The following PID1 variants were observed in gnomAD, a reference collection of about 807,000 sequenced individuals.
PID1 encodes the protein phosphotyrosine interaction domain containing 1.
A neutral mutation model predicts 19.1 loss-of-function variants in PID1; 10 were observed. The ratio of observed to expected loss-of-function variants is 0.52; its 90% confidence interval spans 0.32 to 0.89. The LOEUF (loss-of-function observed/expected upper bound fraction) is 0.89. PID1 is among the 40% of genes least tolerant of loss of function. The pLI, the probability that PID1 is intolerant of heterozygous loss-of-function variation, is 0.03. For missense variants in PID1, 248 were observed against 285.3 expected, an observed-to-expected ratio of 0.87 and a Z score of 0.94; for synonymous variants, 130 against 116.0, an observed-to-expected ratio of 1.12 and a Z score of -0.78.
At chr2:229,192,906 A>T (rs1691292959) in intron 1 of PID1, among the ~76,000 whole-genome samples, 2 of 152,202 alleles carry the variant, frequency 1.3e-5, no homozygotes, top group South Asian at 4.1e-4. Flanking sequence ...TAGGAACAAT[A>T]CCGGAACATA....
At chr2:229,202,096 A>T (rs1386399435) in intron 1 of PID1, among the ~76,000 whole-genome samples, 1 of 152,130 alleles carries the variant, frequency 6.6e-6, no homozygotes, top group African/African-American at 2.4e-5. Context: ...CTTCACTCAC[A>T]GAGAAAACTC....
At chr2:229,202,012 C>T (rs1433515425) in intron 1 of PID1, among the ~76,000 whole-genome samples, 3 of 151,958 alleles carry the variant, frequency 2.0e-5, no homozygotes, top group Non-Finnish European at 4.4e-5. Context: ...CCTCCTGCCA[C>T]CTATTATGTG....
At chr2:229,233,827 G>A (rs1692267762) in intron 1 of PID1, among the ~76,000 whole-genome samples, 1 of 152,104 alleles carries the variant, frequency 6.6e-6, no homozygotes. Context: ...ATACAACGAG[G>A]AAACCTCTAC....
chr2:229,185,786 G>T (rs2106225820), intron 1 of PID1, among the ~76,000 whole-genome samples: 1 of 152,190 alleles, frequency 6.6e-6, no homozygotes, highest in South Asian at 2.1e-4. Context: ...TTTGGGTGGG[G>T]ACATAGCCAA....
intron 1 of PID1, among the ~76,000 whole-genome samples, chr2:229,241,741 T>C (rs1427672561): frequency 1.4e-4 from 22 of 152,148 alleles, no homozygotes. Flanking sequence ...GCAAAGCACC[T>C]AACCACTTCT....
chr2:229,049,434 T>A (rs976206045), intron 2 of PID1, among the ~76,000 whole-genome samples: 3 of 152,148 alleles, frequency 2.0e-5, no homozygotes, highest in Non-Finnish European at 4.4e-5. Context: ...TCTAGAATAA[T>A]GATAAATAAA....
At chr2:229,110,097 C>T (rs1022231268) in intron 2 of PID1, among the ~76,000 whole-genome samples, 10 of 152,214 alleles carry the variant, frequency 6.6e-5, no homozygotes, top group African/African-American at 2.4e-4. Context: ...CCTAAAGACG[C>T]TGTAACCTAG....
chr2:229,047,515 GTTATA>G (rs1559209070), intron 2 of PID1, among the ~76,000 whole-genome samples: 1 of 152,146 alleles, frequency 6.6e-6, no homozygotes, highest in Non-Finnish European at 1.5e-5. Flanking sequence ...TCACCAGGTA[GTTATA>G]TTATAATGAA....
At chr2:229,040,863 A>C (rs1693756996) in intron 2 of PID1, among the ~76,000 whole-genome samples, 1 of 152,230 alleles carries the variant, frequency 6.6e-6, no homozygotes, top group Non-Finnish European at 1.5e-5. Flanking sequence ...AAATAAGTTA[A>C]AAAGTAGCTA....
chr2:229,208,252 A>G (rs1485485721), intron 1 of PID1, among the ~76,000 whole-genome samples: 1 of 152,192 alleles, frequency 6.6e-6, no homozygotes, highest in African/African-American at 2.4e-5. Context: ...AACTCAGTGC[A>G]TAGCTAGTGC....
intron 2 of PID1, among the ~76,000 whole-genome samples, chr2:229,154,563 G>A (rs1385204450): frequency 6.6e-6 from 1 of 152,162 alleles, no homozygotes; most frequent in African/African-American, 2.4e-5. Flanking sequence ...CACCCAATGA[G>A]TATGTGTGGA....
chr2:229,150,966 A>G (rs894802006), intron 2 of PID1, among the ~76,000 whole-genome samples: 2 of 152,010 alleles, frequency 1.3e-5, no homozygotes, highest in Non-Finnish European at 2.9e-5. Flanking sequence ...GTAAGAAAAG[A>G]TAACATCCCA....
intron 2 of PID1, among the ~76,000 whole-genome samples, chr2:229,032,417 T>A (rs1178328139): frequency 1.3e-5 from 2 of 152,236 alleles, no homozygotes; most frequent in Non-Finnish European, 2.9e-5. Flanking sequence ...AATCCTGTTA[T>A]CCTGTCTATG....
chr2:229,061,208 T>C (rs1344813236), intron 2 of PID1, among the ~76,000 whole-genome samples: 1 of 152,106 alleles, frequency 6.6e-6, no homozygotes, highest in Non-Finnish European at 1.5e-5. Context: ...TTTGCCTTTA[T>C]GTTTTCTTCT....
At chr2:229,124,284 C>G (rs1055139513) in intron 2 of PID1, among the ~76,000 whole-genome samples, 1 of 152,118 alleles carries the variant, frequency 6.6e-6, no homozygotes, top group Non-Finnish European at 1.5e-5. Context: ...CCTCATCATA[C>G]TTTATCCATC....
intron 2 of PID1, among the ~76,000 whole-genome samples, chr2:229,032,736 G>T (rs1693581913): frequency 6.6e-6 from 1 of 152,214 alleles, no homozygotes; most frequent in Non-Finnish European, 1.5e-5. Context: ...ATCATTCTGA[G>T]AGAAATAAAA....
intron 2 of PID1, among the ~76,000 whole-genome samples, chr2:229,046,137 C>A (rs1693872691): frequency 6.6e-6 from 1 of 152,038 alleles, no homozygotes. Context: ...AACCATGCTG[C>A]AATAAGGCAA....
chr2:229,056,793 C>T (rs1211766406), intron 2 of PID1, among the ~76,000 whole-genome samples: 1 of 152,024 alleles, frequency 6.6e-6, no homozygotes, highest in Non-Finnish European at 1.5e-5. Flanking sequence ...AATTCTACCT[C>T]CGTGTCCCTG....
chr2:229,260,383 A>C (rs1690425810), intron 1 of PID1, among the ~76,000 whole-genome samples: 1 of 151,988 alleles, frequency 6.6e-6, no homozygotes, highest in Non-Finnish European at 1.5e-5. Flanking sequence ...CAGGTGCTAA[A>C]AGGAATGAGT....
Sources: allele counts gnomAD v4.1 joint callset (sites outside exome capture counted in the v4.1 genomes callset), GRCh38; gene constraint gnomAD v4.1.1; transcripts MANE v1.5; gene names NCBI Gene and HGNC (gene_info 2026-07-23, HGNC 2026-07-21).